Variants in CYTL1 observed in about 807,000 individuals in gnomAD.
The protein encoded by CYTL1 is cytokine-like protein 1.
In CYTL1, 17 loss-of-function variants were observed where a neutral mutation model predicts 13.1. That is an observed-to-expected ratio of 1.29 (90% CI 0.89 to 1.94). The LOEUF (loss-of-function observed/expected upper bound fraction) is 1.94, where lower values mean the gene tolerates loss of function less well. Ranked by LOEUF, CYTL1 falls within the 30% of genes most tolerant of loss-of-function variation. CYTL1 has a pLI of 0.00. For synonymous variants in CYTL1, 91 were observed against 79.4 expected, an observed-to-expected ratio of 1.15 and a Z score of -0.78; for missense variants, 213 against 174.8, an observed-to-expected ratio of 1.22 and a Z score of -1.23.
intron 1 of CYTL1, 46 bp downstream of exon 1, chr4:5,019,247 A>C: frequency 2.2e-6 from 3 of 1,376,622 alleles, no homozygotes; most frequent in Non-Finnish European, 2.8e-6. Flanking sequence ...GGGTTTAAGA[A>C]CTGGGTCTGC....
In CYTL1 at chr4:5,019,386, C is replaced by T. The variant is rs1287691701; in HGVS notation, c.60G>A (p.Ala20=). 5.3e-6 allele frequency: 8 copies of T among 1,499,686 alleles called. No individual in the cohort carries two copies. Among genetic ancestry groups the T allele is most frequent in the South Asian group, 3.9e-5 (3 of 76,370 alleles). 92.9% of individuals were successfully genotyped at this position (1,499,686 alleles called of 1,614,324 possible). A position where few individuals can be genotyped will look rare whatever the true frequency, so the allele number is the denominator to read the frequency against. Residue 20 remains alanine, a synonymous_variant, in exon 1 of 4, where the codon GCG becomes GCA. Transcript: ENST00000307746. ...AGTAGCAGGTCGGGGGAGTGGGCCG[C>T]GCGGCGGGGGCTCCCGCCAGGAGCA... ...LLLLLAGAPA[A]RPTPPTCYSR...
intron 3 of CYTL1, among the ~76,000 whole-genome samples, chr4:5,015,435 C>A (rs1337290643): frequency 8.4e-6 from 1 of 119,462 alleles, no homozygotes; most frequent in Non-Finnish European, 1.9e-5. Flanking sequence ...ATAATTTTCA[C>A]TTCACATTCC....
Position 5,019,327 on chromosome 4 carries a change from C to T in CYTL1, c.119G>A (p.Arg40His). The T allele has an allele frequency of 6.6e-7, 1 of 1,512,894 alleles. No homozygotes were observed. The highest frequency in any genetic ancestry group is 2.7e-5 in the East Asian group (1 of 36,998). 93.7% of individuals were successfully genotyped at this position (1,512,894 alleles called of 1,614,324 possible). The change falls in exon 1 of 4, where the codon CGC (arginine) becomes CAC (histidine). Residue 40 changes from arginine to histidine, a missense_variant. Transcript: ENST00000307746. ...CGAGACCTGCAGGAGGTTGAAGTCG[C>T]GGGTGATCTCCTGGCTCAGGGCCCG... The part of the protein sequence containing the change: ...RMRALSQEIT[R>H]DFNLLQVSEP...
At position 5,014,720 on chromosome 4, in the gene CYTL1, G is replaced by C. The variant is rs1256580855; in HGVS notation, c.*431C>G. 5.6e-6 allele frequency: 1 copy of C among 179,792 alleles called. No homozygotes were observed. The allele number at this position is 179,792 out of a possible 1,614,324, so 11.1% of individuals were successfully genotyped here. On this transcript the variant is annotated 3_prime_UTR_variant, in exon 4 of 4. Coordinates refer to ENST00000307746, the MANE Select transcript of CYTL1 (RefSeq NM_018659.3). Reference sequence around the variant, plus strand: ...AAATGAAAGACAGTGAAGAAAGTCTGTGTTAGAAAAAGGCATAATAGAAGC... The same window carrying C: ...AAATGAAAGACAGTGAAGAAAGTCTCTGTTAGAAAAAGGCATAATAGAAGC...
At position 5,015,167 on chromosome 4, in the gene CYTL1, G is replaced by C; in HGVS notation, c.395C>G (p.Pro132Arg). 2 of 1,613,920 alleles carry C rather than the reference G, an allele frequency of 1.2e-6. No individual in the cohort carries two copies. The highest frequency in any genetic ancestry group is 4.5e-5 in the East Asian group (2 of 44,874). The part of the protein sequence containing the change: ...EYPIPVTTVL[P>R]DRQR The stretch of plus-strand genomic sequence containing the variant: ...TCAGTTCCCTTAGCGCTGACGATCT[G>C]GCAGGACCGTAGTCACTGGGATTGG... Residue 132 changes from proline to arginine, a missense_variant, in exon 4 of 4, where the codon CCA becomes CGA. Coordinates refer to ENST00000307746, the MANE Select transcript of CYTL1 (RefSeq NM_018659.3).
chr4:5,015,314 T>TCCTCAAAGGCCTCAAATGG, intron 3 of CYTL1, 80 bp from the exon 4 acceptor site: 1 of 1,087,632 alleles, frequency 9.2e-7, no homozygotes, highest in Non-Finnish European at 1.4e-6. Context: ...CTCTTGGTTA[T>TCCTCAAAGGCCTCAAATGG]CCTCAAAGGC....
At position 5,016,979 on chromosome 4, in the gene CYTL1, T is replaced by A; in HGVS notation, c.199-15A>T. 6.2e-7 allele frequency: 1 copy of A among 1,613,992 alleles called. No individual in the cohort carries two copies. The highest frequency in any genetic ancestry group is 1.1e-5 in the South Asian group (1 of 91,070). ...ACACAGTAATTCTGGGAGTGGGCAATGGGGAGGGGGCTTGTGGGAGAAGTC... is the reference window on the plus strand; with the variant it reads ...ACACAGTAATTCTGGGAGTGGGCAAAGGGGAGGGGGCTTGTGGGAGAAGTC... On this transcript the variant is annotated splice_polypyrimidine_tract_variant and intron_variant, in intron 2 of 3. Transcript: ENST00000307746.
chr4:5,016,653 C>A (rs1293465472), intron 3 of CYTL1, among the ~76,000 whole-genome samples, 183 bp downstream of exon 3: 2 of 152,136 alleles, frequency 1.3e-5, no homozygotes, highest in African/African-American at 4.8e-5. Context: ...GGGCCTTGTC[C>A]TGAACCCCAT....
intron 1 of CYTL1, among the ~76,000 whole-genome samples, 166 bp downstream of exon 1, chr4:5,019,127 A>T (rs1741141535): frequency 6.7e-6 from 1 of 149,574 alleles, no homozygotes. Flanking sequence ...CATTGGTATC[A>T]TATTTAAAAG....
intron 1 of CYTL1, among the ~76,000 whole-genome samples, chr4:5,017,477 C>T (rs142527628): frequency 8.0e-4 from 121 of 152,088 alleles, no homozygotes; most frequent in African/African-American, 2.9e-3. Flanking sequence ...TAAAAGCAGT[C>T]CTATAACTGT....
intron 2 of CYTL1, 63 bp from the exon 3 acceptor site, chr4:5,017,027 G>A (rs1247188206): frequency 1.2e-6 from 2 of 1,609,994 alleles, no homozygotes; most frequent in African/African-American, 1.3e-5. Context: ...AACAGGGACT[G>A]AGCTGCATAA....
chr4:5,018,340 G>A (rs1741123840), intron 1 of CYTL1, among the ~76,000 whole-genome samples: 1 of 151,892 alleles, frequency 6.6e-6, no homozygotes, highest in East Asian at 1.9e-4. Context: ...TTTCTTCTTT[G>A]TACTTTATTT....
chr4:5,016,849 G>C lies in CYTL1; in HGVS notation c.314C>G (p.Ser105Trp). Residue 105 changes from serine (S) to tryptophan (W), a missense_variant, in exon 3 of 4, where the codon TCG becomes TGG. Coordinates refer to ENST00000307746, the MANE Select transcript of CYTL1 (RefSeq NM_018659.3). ...GCATCCACTTACTCTCCTGCAGAAC[G>C]AGTTCATGATGGTGTACAGCTTCCG... The part of the protein sequence containing the change: ...KARKLYTIMN[S>W]FCRRDLVFLL... 6.2e-7 allele frequency: 1 copy of C among 1,614,170 alleles called. No individual in the cohort carries two copies. The highest frequency in any genetic ancestry group is 8.5e-7 in the Non-Finnish European group (1 of 1,180,016).
At position 5,016,601 on chromosome 4, in the gene CYTL1, G is replaced by A. The variant is rs75307714; in HGVS notation, c.327+235C>T. Among the ~76,000 whole-genome samples the A allele has an allele frequency of 9.9e-3, 1,508 of 152,232 alleles. 22 individuals are homozygous for A. The highest frequency in any genetic ancestry group is 0.033 in the African/African-American group (1,385 of 41,494). On this transcript the variant is annotated intron_variant, in intron 3 of 3. Transcript: ENST00000307746. The stretch of plus-strand genomic sequence containing the variant: ...ATCTATGTGGCTGGGGTGTGGTCCT[G>A]GGGTGTAGCCCCTGCATCAATGCGC...
chr4:5,018,615 G>A (rs13131959), intron 1 of CYTL1, among the ~76,000 whole-genome samples: 99,368 of 152,152 alleles, frequency 0.65, 35,181 homozygotes, highest in East Asian at 0.96. Flanking sequence ...AAGCCCTCCC[G>A]GGTCTTCCCC....
chr4:5,016,382 C>G (rs140877873), intron 3 of CYTL1, among the ~76,000 whole-genome samples: 121 of 152,346 alleles, frequency 7.9e-4, no homozygotes, highest in African/African-American at 2.9e-3. Flanking sequence ...CAGGGAGATA[C>G]AGACCCAAGC....
rs761905601 is a variant in CYTL1 at position 5,015,255 on chromosome 4, G to T, written c.328-21C>A. ...AAATCCTGAAAAAGATGTGCAATGAGCAGGAAAGTTACTGAAGGTGGTCAC... is the reference window on the plus strand; with the variant it reads ...AAATCCTGAAAAAGATGTGCAATGATCAGGAAAGTTACTGAAGGTGGTCAC... On this transcript the variant is annotated intron_variant, in intron 3 of 3. Transcript: ENST00000307746. 3.7e-6 allele frequency: 6 copies of T among 1,600,292 alleles called. 1 individual carries two copies. The South Asian group carries it at 5.6e-5, about 15-fold the overall frequency.
intron 1 of CYTL1, among the ~76,000 whole-genome samples, chr4:5,019,010 T>TC (rs1741138252): frequency 2.9e-5 from 4 of 138,942 alleles, no homozygotes; most frequent in Admixed American, 2.8e-4. Flanking sequence ...TTTCTTTTTT[T>TC]TTTTTTTTTT....
At chr4:5,017,041 C>A in intron 2 of CYTL1, 77 bp from the exon 3 acceptor site, 1 of 1,606,308 alleles carries the variant, frequency 6.2e-7, no homozygotes. Flanking sequence ...TGCATAAGAT[C>A]TCTCCCTGAC....
Sources: allele counts gnomAD v4.1 joint callset (sites outside exome capture counted in the v4.1 genomes callset), GRCh38; gene constraint gnomAD v4.1.1; transcripts MANE v1.5; gene names NCBI Gene and HGNC (gene_info 2026-07-23, HGNC 2026-07-21).